The following SUCLG2 variants were observed in gnomAD, a reference collection of about 807,000 sequenced individuals.
The protein encoded by SUCLG2 is succinate-CoA ligase GDP-forming subunit beta.
Under a neutral mutation model 47.9 loss-of-function variants are expected in SUCLG2, and 42 were observed. The ratio of observed to expected loss-of-function variants is 0.88; its 90% CI spans 0.69 to 1.14. The LOEUF is 1.14. Ranked by LOEUF, SUCLG2 falls within the 50% of genes most tolerant of loss-of-function variation. The pLI is 0.00. For missense variants in SUCLG2, 571 were observed against 525.9 expected, an observed-to-expected ratio of 1.09 and a Z score of -0.84; for synonymous variants, 195 against 197.3, an observed-to-expected ratio of 0.99 and a Z score of 0.10.
chr3:67,500,573 T>C (rs1338717827), intron 7 of SUCLG2, among the ~76,000 whole-genome samples: 1 of 152,212 alleles, frequency 6.6e-6, no homozygotes, highest in African/African-American at 2.4e-5. Flanking sequence ...ACCAAACGAA[T>C]TGGCCAATGT....
intron 2 of SUCLG2, among the ~76,000 whole-genome samples, chr3:67,604,362 T>C (rs974993411): frequency 6.6e-6 from 1 of 152,208 alleles, no homozygotes; most frequent in Admixed American, 6.5e-5. Context: ...ATATGCATTT[T>C]CCATGTTTAA....
At chr3:67,590,310 T>A (rs941999301) in intron 2 of SUCLG2, among the ~76,000 whole-genome samples, 1 of 152,216 alleles carries the variant, frequency 6.6e-6, no homozygotes, top group African/African-American at 2.4e-5. Flanking sequence ...CCATCACCAA[T>A]TCCAAGGCAA....
At position 67,470,138 on chromosome 3, in the gene SUCLG2, C is replaced by T. The variant is rs373459566; in HGVS notation, c.1062+25660G>A. Among the ~76,000 whole-genome samples, 10 of 151,326 alleles carry T rather than the reference C, an allele frequency of 6.6e-5. No individual in the cohort carries two copies. The South Asian group carries it at 2.1e-3, about 32-fold the overall frequency. On this transcript the variant is annotated intron_variant, in intron 9 of 10. Transcript: ENST00000307227. ...AATGAGTTTAATTGTATGGTCTATA[C>T]ATAAATCTGATCTAATTCAGGGAAT...
At chr3:67,383,504 C>A (rs150049892) in intron 10 of SUCLG2, among the ~76,000 whole-genome samples, 7 of 152,184 alleles carry the variant, frequency 4.6e-5, no homozygotes, top group African/African-American at 1.7e-4. Flanking sequence ...CACACCTAAT[C>A]TCCTCGATGA....
intron 10 of SUCLG2, among the ~76,000 whole-genome samples, chr3:67,397,457 T>A (rs1192036143): frequency 6.6e-6 from 1 of 152,104 alleles, no homozygotes; most frequent in Non-Finnish European, 1.5e-5. Context: ...GAATCCAACT[T>A]ACAAAGGGCG....
intron 1 of SUCLG2, among the ~76,000 whole-genome samples, chr3:67,633,153 T>C (rs1256997552): frequency 6.6e-6 from 1 of 152,148 alleles, no homozygotes; most frequent in African/African-American, 2.4e-5. Context: ...GAAAACAAAA[T>C]CAAGAACAAA....
rs914871113 is a variant in SUCLG2 at position 67,654,484 on chromosome 3, C to T, written c.84+19G>A. On this transcript the variant is annotated intron_variant, in intron 1 of 10. Coordinates refer to ENST00000307227, the MANE Select transcript of SUCLG2 (RefSeq NM_003848.4). ...CCGGCGCCGCTGCTGGCGCCCGCAGCTCCTGCCCCCACGCTCACCTGGGAC... is the reference window on the plus strand; with the variant it reads ...CCGGCGCCGCTGCTGGCGCCCGCAGTTCCTGCCCCCACGCTCACCTGGGAC... 4.9e-6 allele frequency: 6 copies of T among 1,233,520 alleles called. No homozygotes were observed. The highest frequency in any genetic ancestry group is 1.0e-6 in the Non-Finnish European group (1 of 988,096). 76.4% of individuals were successfully genotyped at this position (1,233,520 alleles called of 1,614,324 possible).
intron 9 of SUCLG2, among the ~76,000 whole-genome samples, chr3:67,408,334 A>T (rs1327210949): frequency 4.6e-5 from 7 of 152,310 alleles, no homozygotes; most frequent in Non-Finnish European, 8.8e-5. Flanking sequence ...AATTTCTTCC[A>T]AGGAAAAAAG....
At chr3:67,382,833 G>T (rs186677231) in intron 10 of SUCLG2, among the ~76,000 whole-genome samples, 2 of 152,198 alleles carry the variant, frequency 1.3e-5, no homozygotes, top group East Asian at 3.9e-4. Flanking sequence ...TCTCCCCACT[G>T]GGAGAGGGGA....
intron 10 of SUCLG2, among the ~76,000 whole-genome samples, chr3:67,395,232 T>C (rs1271031343): frequency 2.0e-5 from 3 of 152,096 alleles, no homozygotes; most frequent in South Asian, 2.1e-4. Context: ...ACTGGCAAAT[T>C]GGATAAAGAG....
chr3:67,648,919 T>C (rs1701238529), intron 1 of SUCLG2, among the ~76,000 whole-genome samples: 1 of 152,198 alleles, frequency 6.6e-6, no homozygotes, highest in African/African-American at 2.4e-5. Context: ...TACATTAAGC[T>C]GTATCACTTT....
chr3:67,506,544 G>A (rs533725825), intron 7 of SUCLG2, among the ~76,000 whole-genome samples: 7 of 152,186 alleles, frequency 4.6e-5, no homozygotes, highest in African/African-American at 1.7e-4. Context: ...GACTCATGAC[G>A]TTTTATAAAC....
intron 1 of SUCLG2, among the ~76,000 whole-genome samples, chr3:67,645,174 A>G (rs1188543095): frequency 6.6e-6 from 1 of 152,184 alleles, no homozygotes; most frequent in Non-Finnish European, 1.5e-5. Flanking sequence ...TCATCTTCCT[A>G]TAAAGTTTAA....
Position 67,518,282 on chromosome 3 carries a change from C to T in SUCLG2, c.625G>A (p.Glu209Lys), listed in dbSNP as rs538864838. The T allele has an allele frequency of 2.4e-5, 38 of 1,612,504 alleles. No homozygotes were observed. The African/African-American group carries it at 3.1e-4, about 13-fold the overall frequency. The change falls in exon 6 of 11, where the codon GAA becomes AAA. Residue 209 changes from glutamate (E) to lysine (K), a missense_variant. By Grantham distance (56) the Glu-to-Lys change is moderately conservative (BLOSUM62 1). Coordinates refer to ENST00000307227, the MANE Select transcript of SUCLG2 (RefSeq NM_003848.4). ...IKDSQAQRMA[E>K]NLGFVGPLKS... is the part of the protein sequence containing the mutation. The stretch of plus-strand genomic sequence containing the variant: ...AAAGGCCCAACGAAGCCTAGATTTT[C>T]GGCCATCCGCTGAGCTTGGCTGTCC...
chr3:67,523,013 C>A (rs1163206944), intron 4 of SUCLG2, among the ~76,000 whole-genome samples: 3 of 152,038 alleles, frequency 2.0e-5, no homozygotes, highest in Non-Finnish European at 2.9e-5. Flanking sequence ...TGGTCTCAAT[C>A]TCCTGACCTC....
chr3:67,556,407 C>T (rs987533649), intron 2 of SUCLG2, among the ~76,000 whole-genome samples: 1 of 152,184 alleles, frequency 6.6e-6, no homozygotes, highest in South Asian at 2.1e-4. Flanking sequence ...TTGTAGCTTC[C>T]TCTCAAATGC....
chr3:67,381,618 C>T (rs1702160080), intron 10 of SUCLG2, among the ~76,000 whole-genome samples: 1 of 152,158 alleles, frequency 6.6e-6, no homozygotes, highest in South Asian at 2.1e-4. Flanking sequence ...CTTTTAATAA[C>T]CACCTGTACA....
At chr3:67,494,603 G>T (rs1216130978) in intron 9 of SUCLG2, among the ~76,000 whole-genome samples, 4 of 152,128 alleles carry the variant, frequency 2.6e-5, no homozygotes, top group Non-Finnish European at 5.9e-5. Flanking sequence ...TCCGGTCTGG[G>T]TGACAGAACG....
intron 9 of SUCLG2, among the ~76,000 whole-genome samples, chr3:67,460,312 T>C (rs548906475): frequency 6.6e-6 from 1 of 152,318 alleles, no homozygotes. Flanking sequence ...AATCACATGA[T>C]AGTACAATAA....
Sources: allele counts gnomAD v4.1 joint callset (sites outside exome capture counted in the v4.1 genomes callset), GRCh38; gene constraint gnomAD v4.1.1; transcripts MANE v1.5; gene names NCBI Gene and HGNC (gene_info 2026-07-23, HGNC 2026-07-21).